Variants in CACNA2D3 observed in about 807,000 individuals in gnomAD.
CACNA2D3 encodes calcium voltage-gated channel auxiliary subunit alpha2delta 3, also known as voltage-dependent calcium channel subunit alpha-2/delta-3.
CACNA2D3 carries 60 observed loss-of-function variants against 160.6 expected under a neutral mutation model. That is an observed-to-expected ratio of 0.37 (90% CI 0.30 to 0.46). The LOEUF is 0.46. Ranked by LOEUF, CACNA2D3 falls within the 20% of genes least tolerant of loss-of-function variation. The probability of loss-of-function intolerance (pLI) is 1.00; values close to 1 mark genes in which losing one functional copy is unlikely to be tolerated. For synonymous variants in CACNA2D3, 558 were observed against 492.9 expected, an observed-to-expected ratio of 1.13 and a Z score of -1.75; for missense variants, 1,205 against 1,365.0, an observed-to-expected ratio of 0.88 and a Z score of 1.85.
intron 27 of CACNA2D3, among the ~76,000 whole-genome samples, chr3:54,965,906 C>A (rs542464144): frequency 6.6e-6 from 1 of 151,934 alleles, no homozygotes; most frequent in East Asian, 1.9e-4. Flanking sequence ...AGGACCAGGA[C>A]GAGGATGCAG....
At chr3:54,863,290 G>T (rs1180679081) in intron 17 of CACNA2D3, among the ~76,000 whole-genome samples, 1 of 152,158 alleles carries the variant, frequency 6.6e-6, no homozygotes, top group Non-Finnish European at 1.5e-5. Context: ...GCCCCTGGGT[G>T]CCCACATGGA....
intron 13 of CACNA2D3, among the ~76,000 whole-genome samples, chr3:54,801,105 G>A (rs1449836359): frequency 1.3e-5 from 2 of 151,458 alleles, no homozygotes; most frequent in African/African-American, 4.9e-5. Context: ...TAACGCCTCA[G>A]CCTCCTGAGT....
chr3:54,323,023 G>T (rs891713282), intron 3 of CACNA2D3, among the ~76,000 whole-genome samples: 1 of 152,160 alleles, frequency 6.6e-6, no homozygotes, highest in Non-Finnish European at 1.5e-5. Context: ...AATTGGTCCA[G>T]TGTTATATGG....
intron 3 of CACNA2D3, among the ~76,000 whole-genome samples, chr3:54,337,727 C>A (rs973148446): frequency 6.6e-6 from 1 of 152,186 alleles, no homozygotes; most frequent in Non-Finnish European, 1.5e-5. Context: ...AATAAGCCAG[C>A]CAGTCAAATA....
At chr3:54,807,151 C>A (rs1291128833) in intron 13 of CACNA2D3, among the ~76,000 whole-genome samples, 22 of 152,316 alleles carry the variant, frequency 1.4e-4, no homozygotes, top group Admixed American at 9.1e-4. Context: ...TGGGCAAGGA[C>A]TTCATGTCTA....
At chr3:54,833,360 T>G (rs1454712079) in intron 14 of CACNA2D3, among the ~76,000 whole-genome samples, 1 of 152,198 alleles carries the variant, frequency 6.6e-6, no homozygotes, top group African/African-American at 2.4e-5. Context: ...TTTGCCCAGA[T>G]GGACCATGGT....
intron 9 of CACNA2D3, among the ~76,000 whole-genome samples, chr3:54,621,021 T>TC (rs1169762568): frequency 6.6e-6 from 1 of 152,150 alleles, no homozygotes; most frequent in Non-Finnish European, 1.5e-5. Flanking sequence ...CTTTGTCCAC[T>TC]CCTAATGGGT....
chr3:54,322,833 G>T (rs996774651), intron 3 of CACNA2D3, among the ~76,000 whole-genome samples: 3 of 151,874 alleles, frequency 2.0e-5, no homozygotes, highest in Admixed American at 2.0e-4. Context: ...AAAAAAAGAC[G>T]ATTTGGTATG....
intron 27 of CACNA2D3, among the ~76,000 whole-genome samples, chr3:54,942,001 G>T (rs1276351522): frequency 6.6e-6 from 1 of 152,222 alleles, no homozygotes; most frequent in Non-Finnish European, 1.5e-5. Flanking sequence ...TCCATCCAGA[G>T]ATCATCACAA....
rs575597545 is a variant in CACNA2D3 at position 54,622,060 on chromosome 3, C to T, written c.964-5727C>T. ...GTCTTACTCAGGCTTGTAGAGAGGG[C>T]GAATGTCAGAACAGGAATTGGAAGG... On this transcript the variant is annotated intron_variant, in intron 9 of 37. Coordinates refer to ENST00000474759, the MANE Select transcript of CACNA2D3 (RefSeq NM_018398.3). Among the ~76,000 whole-genome samples, 121 of 152,158 alleles carry T rather than the reference C, an allele frequency of 8.0e-4. 2 individuals are homozygous for T. Among genetic ancestry groups the T allele is most frequent in the African/African-American group, 2.6e-3 (106 of 41,528 alleles).
At chr3:54,578,245 C>G (rs1702619003) in intron 8 of CACNA2D3, among the ~76,000 whole-genome samples, 1 of 152,172 alleles carries the variant, frequency 6.6e-6, no homozygotes. Context: ...CCTTTTCTTC[C>G]TTAGACTGTT....
At chr3:54,589,403 C>CTTAA (rs1702820300) in intron 9 of CACNA2D3, among the ~76,000 whole-genome samples, 1 of 151,764 alleles carries the variant, frequency 6.6e-6, no homozygotes, top group African/African-American at 2.4e-5. Context: ...GGATCAAAGA[C>CTTAA]TTAAAACTAT....
chr3:54,570,134 A>C lies in CACNA2D3; in HGVS notation c.888+30A>C, dbSNP rs562712182. 79 of 1,603,706 alleles carry C rather than the reference A, an allele frequency of 4.9e-5. 1 individual carries two copies. The highest frequency in any genetic ancestry group is 6.6e-5 in the Non-Finnish European group (77 of 1,172,224). On this transcript the variant is annotated intron_variant, in intron 8 of 37. Transcript: ENST00000474759. ...GTGCACCGTTTTGTGCCTTCTTTGC[A>C]CTTGGGTTCATTTGATCTTTTGGTA...
At chr3:54,267,974 C>A (rs957187790) in intron 2 of CACNA2D3, among the ~76,000 whole-genome samples, 14 of 152,064 alleles carry the variant, frequency 9.2e-5, no homozygotes, top group African/African-American at 3.4e-4. Flanking sequence ...AAATATGAAT[C>A]CCTTTGGTTG....
At chr3:54,205,249 G>T (rs6794434) in intron 2 of CACNA2D3, among the ~76,000 whole-genome samples, 10,949 of 152,196 alleles carry the variant, frequency 0.072, 540 homozygotes, top group South Asian at 0.19. Context: ...TGTAATGGGG[G>T]ATGGGATTTT....
At chr3:54,711,071 A>C (rs935954026) in intron 11 of CACNA2D3, among the ~76,000 whole-genome samples, 1 of 152,186 alleles carries the variant, frequency 6.6e-6, no homozygotes, top group Non-Finnish European at 1.5e-5. Context: ...ATTGGTGAGC[A>C]AAGGCCAAAC....
intron 2 of CACNA2D3, among the ~76,000 whole-genome samples, chr3:54,138,101 G>A (rs937837000): frequency 6.6e-6 from 1 of 152,352 alleles, no homozygotes; most frequent in South Asian, 2.1e-4. Flanking sequence ...TCCAGAGGAA[G>A]ACATGAGTTC....
intron 17 of CACNA2D3, among the ~76,000 whole-genome samples, chr3:54,858,045 A>C (rs1030917623): frequency 6.6e-6 from 1 of 151,288 alleles, no homozygotes; most frequent in Non-Finnish European, 1.5e-5. Flanking sequence ...TTCACTGGAC[A>C]CACTCTGACC....
intron 4 of CACNA2D3, among the ~76,000 whole-genome samples, chr3:54,502,044 T>C (rs567354232): frequency 2.0e-5 from 3 of 152,338 alleles, no homozygotes; most frequent in Middle Eastern, 3.4e-3. Flanking sequence ...ACCCTCTTTC[T>C]GGTTTCTTTC....
Sources: gnomAD v4.1 joint callset for allele counts (sites outside exome capture counted in the v4.1 genomes callset) on GRCh38, gnomAD v4.1.1 for gene constraint, MANE v1.5 for transcripts, NCBI Gene and HGNC (gene_info 2026-07-23, HGNC 2026-07-21) for gene names.